Variants in PTPRD observed in about 807,000 individuals in gnomAD.
PTPRD encodes the protein receptor-type tyrosine-protein phosphatase delta.
A neutral mutation model predicts 214.5 loss-of-function variants in PTPRD; 34 were observed. That is an observed-to-expected ratio of 0.16 (90% CI 0.12 to 0.21). The LOEUF is 0.21. Among genes scored for constraint, PTPRD ranks in the 10% least tolerant of loss-of-function variants. PTPRD has a pLI of 1.00. For missense variants in PTPRD, 2,545 were observed against 2,398.7 expected, an observed-to-expected ratio of 1.06 and a Z score of -1.27; for synonymous variants, 1,128 against 845.7, an observed-to-expected ratio of 1.33 and a Z score of -5.79.
intron 35 of PTPRD, 139 bp from the exon 36 acceptor site, chr9:8,404,799 G>T: frequency 9.4e-7 from 1 of 1,065,478 alleles, no homozygotes; most frequent in Non-Finnish European, 1.3e-6. Context: ...TAACTGTGAA[G>T]CTGAACACTA....
intron 4 of PTPRD, among the ~76,000 whole-genome samples, chr9:9,969,440 G>T (rs961203671): frequency 2.6e-5 from 4 of 152,138 alleles, no homozygotes; most frequent in Non-Finnish European, 4.4e-5. Flanking sequence ...AATGTGACAG[G>T]AATTGATTTC....
At chr9:10,471,953 G>A (rs1372999756) in intron 2 of PTPRD, among the ~76,000 whole-genome samples, 5 of 151,928 alleles carry the variant, frequency 3.3e-5, no homozygotes, top group South Asian at 2.1e-4. Context: ...TTCAAAAAAC[G>A]ATCTTTGTGA....
chr9:8,939,398 T>TGCTCTTA (rs148880525), intron 11 of PTPRD, among the ~76,000 whole-genome samples: 1 of 152,018 alleles, frequency 6.6e-6, no homozygotes, highest in African/African-American at 2.4e-5. Flanking sequence ...GACAGATGCA[T>TGCTCTTA]ACTCTTAACT....
At chr9:8,673,966 G>A (rs970840299) in intron 12 of PTPRD, among the ~76,000 whole-genome samples, 14 of 152,062 alleles carry the variant, frequency 9.2e-5, no homozygotes, top group African/African-American at 2.9e-4. Flanking sequence ...GTCTCCAAAC[G>A]TTACCAAATA....
At chr9:9,764,449 C>T (rs141670332) in intron 6 of PTPRD, among the ~76,000 whole-genome samples, 5 of 151,962 alleles carry the variant, frequency 3.3e-5, no homozygotes, top group East Asian at 1.9e-4. Context: ...AAAAGAGTGC[C>T]CACCTAAAAA....
chr9:8,929,823 A>G lies in PTPRD; in HGVS notation c.-104+88874T>C, dbSNP rs1266510791. ...TGTATATATGTGTATATATATGTGT[A>G]TATATATGTGTATATATATGTGTGT... On this transcript the variant is annotated intron_variant, in intron 11 of 45. Transcript: ENST00000381196. 1.1e-3 allele frequency among the ~76,000 whole-genome samples: 39 copies of G among 34,742 alleles called. 1 individual carries two copies. The East Asian group carries it at 0.02, about 18-fold the overall frequency. 22.8% of individuals were successfully genotyped at this position (34,742 alleles called of 152,430 possible). A position where few individuals can be genotyped will look rare whatever the true frequency, so the allele number is the denominator to read the frequency against.
At chr9:9,441,766 T>C (rs2087952366) in intron 8 of PTPRD, among the ~76,000 whole-genome samples, 1 of 152,204 alleles carries the variant, frequency 6.6e-6, no homozygotes, top group East Asian at 1.9e-4. Context: ...ATATTTATGC[T>C]AAAATGATAT....
chr9:9,821,753 T>G (rs746675114), intron 5 of PTPRD, among the ~76,000 whole-genome samples: 5 of 151,816 alleles, frequency 3.3e-5, no homozygotes, highest in Admixed American at 1.3e-4. Context: ...CTTTGAGAGA[T>G]AACTACATTG....
At position 9,664,087 on chromosome 9, in the gene PTPRD, G is replaced by A. The variant is rs1354137331; in HGVS notation, c.-287+70446C>T. Among the ~76,000 whole-genome samples, 19 of 75,974 alleles carry A rather than the reference G, an allele frequency of 2.5e-4. No individual in the cohort carries two copies. The East Asian group carries it at 5.4e-3, about 22-fold the overall frequency. The allele number at this position is 75,974 out of a possible 152,430, so 49.8% of individuals were successfully genotyped here. On this transcript the variant is annotated intron_variant, in intron 7 of 45. Transcript: ENST00000381196. ...CATATACAAACATTTACACTCCTGT[G>A]TAAAAAAAAAAAAAAAAAAAGAAGT...
At chr9:9,324,348 C>T (rs1968572127) in intron 9 of PTPRD, among the ~76,000 whole-genome samples, 1 of 152,094 alleles carries the variant, frequency 6.6e-6, no homozygotes, top group African/African-American at 2.4e-5. Flanking sequence ...CTCTCCAGCA[C>T]CTGTTGTTTC....
intron 9 of PTPRD, among the ~76,000 whole-genome samples, chr9:9,239,932 G>T (rs1334109483): frequency 6.6e-6 from 1 of 152,160 alleles, no homozygotes; most frequent in Non-Finnish European, 1.5e-5. Flanking sequence ...ATGACTAGAG[G>T]TGGGAATTGA....
chr9:9,417,354 A>G (rs2077296123), intron 8 of PTPRD, among the ~76,000 whole-genome samples: 1 of 152,136 alleles, frequency 6.6e-6, no homozygotes, highest in South Asian at 2.1e-4. Context: ...GTTAAAATCA[A>G]TTCTAATTTT....
chr9:10,313,511 T>C (rs2154419647), intron 3 of PTPRD, among the ~76,000 whole-genome samples: 1 of 151,984 alleles, frequency 6.6e-6, no homozygotes, highest in East Asian at 1.9e-4. Flanking sequence ...CTATCAATTA[T>C]CATAGGATTT....
At chr9:8,529,964 C>T (rs1193251503) in intron 14 of PTPRD, among the ~76,000 whole-genome samples, 5 of 152,014 alleles carry the variant, frequency 3.3e-5, no homozygotes, top group Non-Finnish European at 7.4e-5. Context: ...CCCTCACGGC[C>T]ACTGATAAAT....
intron 11 of PTPRD, among the ~76,000 whole-genome samples, chr9:8,808,054 G>C (rs1054982400): frequency 6.6e-6 from 1 of 152,184 alleles, no homozygotes; most frequent in Non-Finnish European, 1.5e-5. Context: ...ACAAGGTCAT[G>C]AAAGTCCCCA....
At chr9:9,158,655 C>G (rs1189409778) in intron 10 of PTPRD, among the ~76,000 whole-genome samples, 2 of 152,104 alleles carry the variant, frequency 1.3e-5, no homozygotes, top group South Asian at 4.2e-4. Context: ...TACATTTCTT[C>G]TCAAACCCTT....
intron 9 of PTPRD, among the ~76,000 whole-genome samples, chr9:9,317,380 C>G (rs759973873): frequency 3.9e-5 from 6 of 152,156 alleles, no homozygotes; most frequent in Non-Finnish European, 5.9e-5. Flanking sequence ...ATTTCTAAAA[C>G]AAACTTATTA....
intron 11 of PTPRD, among the ~76,000 whole-genome samples, chr9:8,753,919 TG>T (rs1565807295): frequency 6.6e-6 from 1 of 151,996 alleles, no homozygotes; most frequent in African/African-American, 2.4e-5. Context: ...CTGAGGAGGT[TG>T]GATCACCTGA....
At chr9:8,994,992 T>C (rs1406672740) in intron 11 of PTPRD, among the ~76,000 whole-genome samples, 1 of 151,912 alleles carries the variant, frequency 6.6e-6, no homozygotes, top group Non-Finnish European at 1.5e-5. Context: ...CCTCCTTCCA[T>C]AGTTGAAGCA....
Sources: allele counts gnomAD v4.1 joint callset (sites outside exome capture counted in the v4.1 genomes callset), GRCh38; gene constraint gnomAD v4.1.1; transcripts MANE v1.5; gene names NCBI Gene and HGNC (gene_info 2026-07-23, HGNC 2026-07-21).